PPP2R2C: variants seen among roughly 807,000 people sequenced by gnomAD.
PPP2R2C encodes protein phosphatase 2, regulatory subunit B, gamma.
A neutral mutation model predicts 45.3 loss-of-function variants in PPP2R2C; 10 were observed. The ratio of observed to expected loss-of-function variants is 0.22; its 90% CI spans 0.14 to 0.37. The LOEUF is 0.37. Ranked by LOEUF, PPP2R2C falls within the 10% of genes least tolerant of loss-of-function variation. The pLI is 1.00. For missense variants in PPP2R2C, 308 were observed against 619.7 expected, an observed-to-expected ratio of 0.50 and a Z score of 5.34; for synonymous variants, 257 against 245.4, an observed-to-expected ratio of 1.05 and a Z score of -0.44.
upstream of PPP2R2C, among the ~76,000 whole-genome samples, chr4:6,474,325 G>C (rs977844119): frequency 6.6e-6 from 1 of 152,068 alleles, no homozygotes; most frequent in African/African-American, 2.4e-5. Context: ...CCACAAGGGG[G>C]CCCAGGCACA....
chr4:6,343,760 C>A (rs1442603278), intron 6 of PPP2R2C, among the ~76,000 whole-genome samples: 1 of 152,102 alleles, frequency 6.6e-6, no homozygotes, highest in East Asian at 1.9e-4. Context: ...TAGATTTGCA[C>A]ACAAGTTTTC....
rs369640073 is a variant in PPP2R2C at position 6,536,972 on chromosome 4, G to A, written c.-58-1595C>T. Among the ~76,000 whole-genome samples the A allele has an allele frequency of 1.4e-4, 21 of 152,316 alleles. No homozygotes were observed. The South Asian group carries it at 3.9e-3, about 29-fold the overall frequency. On this transcript the variant is annotated intron_variant, in intron 1 of 9. Transcript: ENST00000506140. ...AATCCCAGCACTTTGGGAGGCTGAG[G>A]TGGGCAGATCACCTGAAGTCAGGAG...
At position 6,378,353 on chromosome 4, in the gene PPP2R2C, G is replaced by A; in HGVS notation, c.334+54C>T. ...ATAAGTGAAATACAAACCAGCATTT[G>A]GTAGAAACATCTACGGCCTGTGCCC... is the stretch of plus-strand genomic sequence containing the variant. On this transcript the variant is annotated intron_variant, in intron 3 of 8. Transcript: ENST00000382599. The surrounding 1 kb of genome is among the most constrained non-coding windows in gnomAD (Gnocchi z 5.2). The A allele has an allele frequency of 6.2e-7, 1 of 1,609,802 alleles. No homozygotes were observed. The highest frequency in any genetic ancestry group is 8.5e-7 in the Non-Finnish European group (1 of 1,178,614).
intron 5 of PPP2R2C, among the ~76,000 whole-genome samples, chr4:6,362,695 G>C (rs542438446): frequency 6.6e-6 from 1 of 152,170 alleles, no homozygotes; most frequent in Non-Finnish European, 1.5e-5. Flanking sequence ...CCCCCACCTG[G>C]CGAGTGGTCA....
At chr4:6,542,709 A>AAAAAAAAAAAAGAAAAAG (rs112182178) in intron 1 of PPP2R2C, among the ~76,000 whole-genome samples, 2 of 127,836 alleles carry the variant, frequency 1.6e-5, no homozygotes, top group Admixed American at 8.9e-5. Context: ...TCTCAAAAAA[A>AAAAAAAAAAAAGAAAAAG]AAAAAGAAAA....
At chr4:6,505,421 A>G (rs1052943132) in intron 2 of PPP2R2C, among the ~76,000 whole-genome samples, 2 of 152,228 alleles carry the variant, frequency 1.3e-5, no homozygotes, top group African/African-American at 4.8e-5. Context: ...TAAAGCAAAA[A>G]TCATTACATT....
At chr4:6,473,207 A>G (rs1348934839), upstream of PPP2R2C, among the ~76,000 whole-genome samples, 3 of 152,086 alleles carry the variant, frequency 2.0e-5, no homozygotes, top group East Asian at 1.9e-4. Flanking sequence ...CCTCATGCCC[A>G]CCTCTCCTGA....
At chr4:6,532,473 A>G (rs1361515235) in intron 2 of PPP2R2C, among the ~76,000 whole-genome samples, 3 of 152,192 alleles carry the variant, frequency 2.0e-5, no homozygotes, top group Non-Finnish European at 4.4e-5. Context: ...CACAGAAACA[A>G]AGGGGCAGAA....
Position 6,472,020 on chromosome 4 carries a change from T to A in PPP2R2C, c.70+140A>T, listed in dbSNP as rs1342774728. On this transcript the variant is annotated intron_variant, in intron 1 of 8. Coordinates refer to ENST00000382599, the MANE Select transcript of PPP2R2C (RefSeq NM_020416.4). ...CAGGGTGGGATGGGATGGGGTGGGGTGGGGTGGGATGGGGTGGGGTGGGGT... is the reference window on the plus strand; with the variant it reads ...CAGGGTGGGATGGGATGGGGTGGGGAGGGGTGGGATGGGGTGGGGTGGGGT... 2.5e-5 allele frequency: 20 copies of A among 804,686 alleles called. No individual in the cohort carries two copies. In the African/African-American group the frequency reaches 8.0e-4, roughly 32 times the overall value. 49.8% of individuals were successfully genotyped at this position (804,686 alleles called of 1,614,324 possible). A position where few individuals can be genotyped will look rare whatever the true frequency, so the allele number is the denominator to read the frequency against.
Position 6,472,315 on chromosome 4 carries a change from G to A in PPP2R2C, c.-86C>T. ...AGGTCGCGCCGGGCGCGCGGGCCAT[G>A]CCGCCGCAGCCTAGCAGGGGCGCGG... On this transcript the variant is annotated 5_prime_UTR_variant, in exon 1 of 9. Coordinates refer to ENST00000382599, the MANE Select transcript of PPP2R2C (RefSeq NM_020416.4). 6.3e-7 allele frequency: 1 copy of A among 1,575,548 alleles called. No individual in the cohort carries two copies. Among genetic ancestry groups the A allele is most frequent in the South Asian group, 1.1e-5 (1 of 87,698 alleles).
At position 6,368,206 on chromosome 4, in the gene PPP2R2C, C is replaced by T. The variant is rs755904020; in HGVS notation, c.625+4317G>A. On this transcript the variant is annotated intron_variant, in intron 5 of 8. Transcript: ENST00000382599. The surrounding 1 kb of genome is among the most constrained non-coding windows in gnomAD (Gnocchi z 4.2). ...ACTCTCTTGCACACACCATCAGCTCCGTGTCTACATCCTCACTTGGCAAAA... is the reference window on the plus strand; with the variant it reads ...ACTCTCTTGCACACACCATCAGCTCTGTGTCTACATCCTCACTTGGCAAAA... 2.6e-5 allele frequency among the ~76,000 whole-genome samples: 4 copies of T among 152,190 alleles called. No individual in the cohort carries two copies. The highest frequency in any genetic ancestry group is 1.3e-4 in the Admixed American group (2 of 15,280).
At chr4:6,366,038 C>T (rs960126669) in intron 5 of PPP2R2C, among the ~76,000 whole-genome samples, 4 of 152,108 alleles carry the variant, frequency 2.6e-5, no homozygotes, top group Admixed American at 1.3e-4. Flanking sequence ...GAAACTGCAC[C>T]GTGGAAAACG....
At chr4:6,511,522 GTGA>G (rs1560593816) in intron 2 of PPP2R2C, among the ~76,000 whole-genome samples, 375 of 12,900 alleles carry the variant, frequency 0.029, 26 homozygotes, top group East Asian at 0.062. Context: ...GGTGGTGGTG[GTGA>G]TGGTGGTGGT....
intron 1 of PPP2R2C, among the ~76,000 whole-genome samples, chr4:6,453,369 C>T (rs1720842750): frequency 6.6e-6 from 1 of 152,170 alleles, no homozygotes; most frequent in African/African-American, 2.4e-5. Flanking sequence ...GGCGTCAGGA[C>T]TTGCAGGAAG....
At chr4:6,337,112 G>GTGTGTGTGTGTGTGTATATATATATA (rs1202845732) in intron 6 of PPP2R2C, among the ~76,000 whole-genome samples, 1 of 30,116 alleles carries the variant, frequency 3.3e-5, no homozygotes, top group African/African-American at 1.0e-4. Context: ...ATGTGTGTGT[G>GTGTGTGTGTGTGTGTATATATATATA]TATATATATA....
At chr4:6,524,930 A>ACATTTTAAAATTAGCCACACATGGTAG (rs1258142324) in intron 2 of PPP2R2C, among the ~76,000 whole-genome samples, 4 of 151,874 alleles carry the variant, frequency 2.6e-5, no homozygotes, top group Admixed American at 1.3e-4. Flanking sequence ...CTCTACAAAA[A>ACATTTTAAAATTAGCCACACATGGTAG]CATTTTAAAA....
chr4:6,451,214 C>T (rs1393142572), intron 1 of PPP2R2C, among the ~76,000 whole-genome samples: 2 of 152,130 alleles, frequency 1.3e-5, no homozygotes, highest in East Asian at 1.9e-4. Context: ...ACAGCCACAT[C>T]CCCCAGTCCC....
chr4:6,348,121 A>G, intron 5 of PPP2R2C, 111 bp from the exon 6 acceptor site: 1 of 1,278,236 alleles, frequency 7.8e-7, no homozygotes, highest in South Asian at 1.4e-5. Flanking sequence ...CTCGCGTCTG[A>G]GCTGCCTCTC....
intron 1 of PPP2R2C, among the ~76,000 whole-genome samples, chr4:6,393,027 T>C (rs1716766262): frequency 6.6e-6 from 1 of 152,230 alleles, no homozygotes; most frequent in East Asian, 1.9e-4. Context: ...TTTTGTTGTT[T>C]CTATTTTAGC....
Sources: allele counts gnomAD v4.1 joint callset (sites outside exome capture counted in the v4.1 genomes callset), GRCh38; gene constraint gnomAD v4.1.1; non-coding constraint Gnocchi (gnomAD v3.1); transcripts MANE v1.5; gene names NCBI Gene and HGNC (gene_info 2026-07-23, HGNC 2026-07-21).